The following XKR9 variants were observed in gnomAD, a reference collection of about 807,000 sequenced individuals.
XKR9 encodes XK related 9, also known as XK-related protein 9.
Under a neutral mutation model 32.0 loss-of-function variants are expected in XKR9, and 32 were observed. The observed-to-expected ratio is 1.00, with a 90% confidence interval of 0.76 to 1.34. The LOEUF (loss-of-function observed/expected upper bound fraction) is 1.34. Ranked by LOEUF, XKR9 falls within the 40% of genes most tolerant of loss-of-function variation. XKR9 has a pLI of 0.00. For synonymous variants in XKR9, 168 were observed against 143.4 expected (o/e 1.17, Z -1.22); for missense variants, 546 against 429.7 (o/e 1.27, Z -2.39).
the XKR9 span, among the ~76,000 whole-genome samples, chr8:70,916,848 T>TAC: frequency 6.6e-6 from 1 of 151,988 alleles, no homozygotes; most frequent in Admixed American, 6.6e-5. Context: ...AGCAATACTT[T>TAC]ATATCTTTCT....
chr8:70,863,735 G>T, the XKR9 span, among the ~76,000 whole-genome samples: 1 of 152,172 alleles, frequency 6.6e-6, no homozygotes, highest in Non-Finnish European at 1.5e-5. Flanking sequence ...ATGTACCAGG[G>T]TGACAGCAGT....
intron 2 of XKR9, among the ~76,000 whole-genome samples, chr8:70,772,226 A>G (rs1467332608): frequency 1.3e-5 from 2 of 152,218 alleles, no homozygotes; most frequent in Non-Finnish European, 2.9e-5. Flanking sequence ...GGAGTCTAGC[A>G]TGATAACTGG....
chr8:70,756,833 T>C (rs189107835), intron 2 of XKR9, among the ~76,000 whole-genome samples: 1 of 152,258 alleles, frequency 6.6e-6, no homozygotes, highest in Admixed American at 6.5e-5. Flanking sequence ...TGGATACCTT[T>C]TATTTCTTTT....
the XKR9 span, among the ~76,000 whole-genome samples, chr8:70,959,824 T>C: frequency 6.6e-6 from 1 of 152,252 alleles, no homozygotes; most frequent in Non-Finnish European, 1.5e-5. Context: ...TAGACCTTGC[T>C]CATTTGCTAG....
rs139240833 is a variant in XKR9, at chr8:70,710,358, T to C, written c.493+3205T>C. 6.4e-3 allele frequency among the ~76,000 whole-genome samples: 973 copies of C among 152,244 alleles called. 10 individuals are homozygous for C. The highest frequency in any genetic ancestry group is 9.3e-3 in the Non-Finnish European group (630 of 68,002). ...AAACTCTAGAAGAAAATCTAGGAAA[T>C]ACCATTCTGGACATAGGCCTTGGCA... is the stretch of plus-strand genomic sequence containing the variant. On this transcript the variant is annotated intron_variant, in intron 4 of 4. Transcript: ENST00000408926.
the XKR9 span, among the ~76,000 whole-genome samples, chr8:70,889,965 G>A: frequency 6.6e-6 from 1 of 151,982 alleles, no homozygotes; most frequent in Non-Finnish European, 1.5e-5. Context: ...TTGAATGGTA[G>A]TTCTGTTTTA....
At chr8:70,750,428 T>G (rs1454618624) in intron 2 of XKR9, among the ~76,000 whole-genome samples, 1 of 152,232 alleles carries the variant, frequency 6.6e-6, no homozygotes, top group Non-Finnish European at 1.5e-5. Context: ...GTCTGTGTAT[T>G]CAGTAATGTT....
chr8:70,830,550 G>A, the XKR9 span, among the ~76,000 whole-genome samples: 1 of 152,174 alleles, frequency 6.6e-6, no homozygotes, highest in African/African-American at 2.4e-5. Flanking sequence ...TTGTGCCACT[G>A]CCTTCCAGCC....
chr8:70,759,790 A>G (rs935660643), intron 2 of XKR9, among the ~76,000 whole-genome samples: 1 of 152,186 alleles, frequency 6.6e-6, no homozygotes, highest in Admixed American at 6.5e-5. Flanking sequence ...TCCAATAAAC[A>G]TTTGTCAAAA....
chr8:70,783,008 A>G (rs1807636992), intron 2 of XKR9, among the ~76,000 whole-genome samples: 1 of 152,154 alleles, frequency 6.6e-6, no homozygotes, highest in African/African-American at 2.4e-5. Flanking sequence ...AGTTTTCCTT[A>G]ATAGCTGTCC....
the XKR9 span, among the ~76,000 whole-genome samples, chr8:71,053,067 G>A: frequency 6.6e-6 from 1 of 152,220 alleles, no homozygotes; most frequent in African/African-American, 2.4e-5. Context: ...TAAGAGCTAG[G>A]AAATTGTGCA....
At chr8:70,703,869 C>T (rs1273658889) in intron 3 of XKR9, among the ~76,000 whole-genome samples, 1 of 151,864 alleles carries the variant, frequency 6.6e-6, no homozygotes, top group Non-Finnish European at 1.5e-5. Context: ...TTTTTTTGGC[C>T]TATTCATCAT....
the XKR9 span, among the ~76,000 whole-genome samples, chr8:70,927,794 T>G: frequency 6.6e-6 from 1 of 152,296 alleles, no homozygotes; most frequent in African/African-American, 2.4e-5. Context: ...TGTCCATACA[T>G]GTACTGTTTC....
chr8:70,736,962 G>T (rs1382115286), downstream of XKR9, among the ~76,000 whole-genome samples: 139 of 152,012 alleles, frequency 9.1e-4, no homozygotes, highest in African/African-American at 2.3e-3. Flanking sequence ...CTCTTTTTTG[G>T]TTCCATATGA....
At chr8:70,878,957 C>T in the XKR9 span, among the ~76,000 whole-genome samples, 1 of 152,180 alleles carries the variant, frequency 6.6e-6, no homozygotes. Context: ...CAAACTGTCT[C>T]TCAGACCACA....
At chr8:70,998,947 C>T in the XKR9 span, among the ~76,000 whole-genome samples, 1 of 152,032 alleles carries the variant, frequency 6.6e-6, no homozygotes, top group Non-Finnish European at 1.5e-5. Flanking sequence ...CCCCCTGTGT[C>T]CTTAGGTTCC....
At chr8:70,675,175 C>G (rs2132099686) in intron 2 of XKR9, among the ~76,000 whole-genome samples, 1 of 152,136 alleles carries the variant, frequency 6.6e-6, no homozygotes, top group East Asian at 1.9e-4. Flanking sequence ...TCTTGTAATC[C>G]CAGCACTTTG....
At chr8:70,868,600 C>G in the XKR9 span, among the ~76,000 whole-genome samples, 1 of 152,064 alleles carries the variant, frequency 6.6e-6, no homozygotes, top group Non-Finnish European at 1.5e-5. Context: ...TGGGCCCAGC[C>G]CATGAAACCA....
the XKR9 span, among the ~76,000 whole-genome samples, chr8:70,905,585 A>T: frequency 1.3e-5 from 2 of 151,822 alleles, no homozygotes; most frequent in Non-Finnish European, 2.9e-5. Context: ...TATTTCAGAG[A>T]TGTTTGTTAT....
Sources: allele counts gnomAD v4.1 joint callset (sites outside exome capture counted in the v4.1 genomes callset), GRCh38; gene constraint gnomAD v4.1.1; transcripts MANE v1.5; gene names NCBI Gene and HGNC (gene_info 2026-07-23, HGNC 2026-07-21).